The following CDH13 variants were observed in gnomAD, a reference collection of about 807,000 sequenced individuals.
CDH13 encodes the protein cadherin 13, also known as cadherin-13.
In CDH13, 24 loss-of-function variants were observed where a neutral mutation model predicts 63.8. That is an observed-to-expected ratio of 0.38 (90% CI 0.27 to 0.53). The LOEUF (loss-of-function observed/expected upper bound fraction) is 0.53. CDH13 is among the 20% of genes least tolerant of loss of function. The pLI is 0.85. For missense variants in CDH13, 1,049 were observed against 903.1 expected, an observed-to-expected ratio of 1.16 and a Z score of -2.07; for synonymous variants, 503 against 355.3, an observed-to-expected ratio of 1.42 and a Z score of -4.67.
At chr16:83,062,393 A>G (rs1186962364) in intron 3 of CDH13, among the ~76,000 whole-genome samples, 1 of 152,116 alleles carries the variant, frequency 6.6e-6, no homozygotes, top group African/African-American at 2.4e-5. Context: ...TGTCCTTAAC[A>G]TTTAGCTTAG....
chr16:83,497,716 A>T (rs982447974), intron 7 of CDH13, among the ~76,000 whole-genome samples: 18 of 152,214 alleles, frequency 1.2e-4, no homozygotes, highest in African/African-American at 4.3e-4. Flanking sequence ...CGTCATCAAA[A>T]CATAGACAGC....
intron 2 of CDH13, among the ~76,000 whole-genome samples, chr16:82,881,211 C>T (rs774973723): frequency 2.0e-5 from 3 of 152,100 alleles, no homozygotes; most frequent in African/African-American, 7.2e-5. Flanking sequence ...GGCTTCCGTT[C>T]GTGTCTCTGG....
chr16:82,692,764 G>A (rs988924206), intron 1 of CDH13, among the ~76,000 whole-genome samples: 1 of 151,920 alleles, frequency 6.6e-6, no homozygotes, highest in African/African-American at 2.4e-5. Flanking sequence ...GTGGAGCTGT[G>A]TGCATGAAAA....
At chr16:83,558,488 T>TATGTATA (rs2075643880) in intron 7 of CDH13, among the ~76,000 whole-genome samples, 1 of 152,226 alleles carries the variant, frequency 6.6e-6, no homozygotes, top group African/African-American at 2.4e-5. Flanking sequence ...ATGAATAATG[T>TATGTATA]ATGTATAATG....
chr16:83,422,573 T>C (rs895189659), intron 6 of CDH13, among the ~76,000 whole-genome samples: 2 of 152,216 alleles, frequency 1.3e-5, no homozygotes, highest in African/African-American at 4.8e-5. Flanking sequence ...CTTTCTGGTG[T>C]CTGGTTCAAA....
At chr16:83,075,813 C>T (rs1166542125) in intron 3 of CDH13, among the ~76,000 whole-genome samples, 1 of 152,172 alleles carries the variant, frequency 6.6e-6, no homozygotes. Context: ...CATGAGTTAG[C>T]TCTGCAAATG....
chr16:82,921,185 G>A (rs72790130), intron 2 of CDH13, among the ~76,000 whole-genome samples: 1 of 152,086 alleles, frequency 6.6e-6, no homozygotes, highest in Non-Finnish European at 1.5e-5. Flanking sequence ...CTTAAAACAA[G>A]AAATTTATTT....
intron 7 of CDH13, among the ~76,000 whole-genome samples, chr16:83,503,957 G>A (rs564180159): frequency 1.9e-4 from 29 of 151,618 alleles, no homozygotes; most frequent in Middle Eastern, 6.9e-3. Flanking sequence ...TTAGTTGGGG[G>A]GTGGGGGGCA....
chr16:83,282,630 A>G (rs530224985), intron 5 of CDH13, among the ~76,000 whole-genome samples: 79 of 152,338 alleles, frequency 5.2e-4, no homozygotes, highest in African/African-American at 1.9e-3. Flanking sequence ...TACTGTCCTT[A>G]GTGTAAAAAG....
chr16:82,822,090 C>T (rs534733947), intron 1 of CDH13, among the ~76,000 whole-genome samples: 1 of 152,168 alleles, frequency 6.6e-6, no homozygotes, highest in Admixed American at 6.5e-5. Context: ...ACTTATTTGA[C>T]CTCGACAGAC....
At chr16:82,787,592 C>T (rs771376804) in intron 1 of CDH13, among the ~76,000 whole-genome samples, 1 of 152,154 alleles carries the variant, frequency 6.6e-6, no homozygotes, top group Non-Finnish European at 1.5e-5. Flanking sequence ...TGCATCACCT[C>T]ACTTCAGAAT....
intron 2 of CDH13, among the ~76,000 whole-genome samples, chr16:82,989,969 A>G (rs975799401): frequency 6.6e-6 from 1 of 151,936 alleles, no homozygotes; most frequent in East Asian, 1.9e-4. Context: ...GCTCCCCTCA[A>G]TAGCCATTTC....
intron 2 of CDH13, among the ~76,000 whole-genome samples, chr16:82,889,989 A>G (rs2041022705): frequency 6.6e-6 from 1 of 152,224 alleles, no homozygotes; most frequent in Non-Finnish European, 1.5e-5. Context: ...ACTGTCTCCC[A>G]GTACTTTGTT....
At chr16:83,000,825 C>T (rs367980239) in intron 2 of CDH13, among the ~76,000 whole-genome samples, 1 of 152,118 alleles carries the variant, frequency 6.6e-6, no homozygotes, top group South Asian at 2.1e-4. Context: ...ATGATCCGCC[C>T]GCCTCGGCCT....
chr16:82,887,610 C>G (rs753857892), intron 2 of CDH13, among the ~76,000 whole-genome samples: 3 of 152,166 alleles, frequency 2.0e-5, no homozygotes, highest in Non-Finnish European at 2.9e-5. Flanking sequence ...CACGTGAGGT[C>G]AGGAGTTCGA....
At chr16:83,293,487 C>T (rs1027520184) in intron 5 of CDH13, among the ~76,000 whole-genome samples, 1 of 152,142 alleles carries the variant, frequency 6.6e-6, no homozygotes, top group African/African-American at 2.4e-5. Context: ...ACCTTCATAG[C>T]AAGACTTTAT....
intron 4 of CDH13, among the ~76,000 whole-genome samples, chr16:83,140,872 C>A (rs1249919261): frequency 6.6e-6 from 1 of 152,192 alleles, no homozygotes; most frequent in Non-Finnish European, 1.5e-5. Flanking sequence ...AGGTTTAAGG[C>A]ACCAAGAATG....
chr16:82,698,451 C>G (rs893964728), intron 1 of CDH13, among the ~76,000 whole-genome samples: 3 of 152,240 alleles, frequency 2.0e-5, no homozygotes, highest in Non-Finnish European at 4.4e-5. Context: ...ACAAGCAGTG[C>G]TCACTGCCCA....
chr16:82,971,355 C>T (rs1197615527), intron 2 of CDH13, among the ~76,000 whole-genome samples: 1 of 152,182 alleles, frequency 6.6e-6, no homozygotes, highest in East Asian at 1.9e-4. Flanking sequence ...GTGCTCCCAT[C>T]ACCTTCCACA....
Sources: allele counts gnomAD v4.1 joint callset (sites outside exome capture counted in the v4.1 genomes callset), GRCh38; gene constraint gnomAD v4.1.1; transcripts MANE v1.5; gene names NCBI Gene and HGNC (gene_info 2026-07-23, HGNC 2026-07-21).